SRRM3: variants seen among roughly 807,000 people sequenced by gnomAD.
SRRM3 encodes serine/arginine repetitive matrix protein 3.
A neutral mutation model predicts 66.2 loss-of-function variants in SRRM3; 27 were observed. The ratio of observed to expected loss-of-function variants is 0.41; its 90% confidence interval spans 0.30 to 0.56. The LOEUF is 0.56. SRRM3 is among the 20% of genes least tolerant of loss of function. The probability of loss-of-function intolerance (pLI) is 0.32; values close to 1 mark genes in which losing one functional copy is unlikely to be tolerated. For missense variants in SRRM3, 918 were observed against 991.9 expected, an observed-to-expected ratio of 0.93 and a Z score of 1.00; for synonymous variants, 391 against 414.9, an observed-to-expected ratio of 0.94 and a Z score of 0.70.
rs1195904787 is a variant in SRRM3 at position 76,282,698 on chromosome 7, C to T, written c.1421C>T (p.Pro474Leu). 1.4e-6 allele frequency: 2 copies of T among 1,421,166 alleles called. No individual in the cohort carries two copies. Among genetic ancestry groups the T allele is most frequent in the African/African-American group, 1.5e-5 (1 of 66,566 alleles). 88.0% of individuals were successfully genotyped at this position (1,421,166 alleles called of 1,614,324 possible). ...CGGCCCGCCAGCACCTCTCCGTCCC[C>T]GGGCGCGCACGGCCGGCGCGGCGGC... Reference protein sequence around the residue: ...RARPASTSPSPGAHGRRGGPE... With the variant: ...RARPASTSPSLGAHGRRGGPE... The change falls in exon 13 of 15, where the codon CCG (proline) becomes CTG (leucine). Residue 474 changes from proline to leucine, a missense_variant. Pro to Leu is a moderately conservative substitution (Grantham distance 98). Coordinates refer to ENST00000611745, the MANE Select transcript of SRRM3 (RefSeq NM_001110199.3).
intron 10 of SRRM3, 58 bp from the exon 11 acceptor site, chr7:76,267,200 G>C: frequency 1.4e-6 from 2 of 1,419,338 alleles, no homozygotes; most frequent in Non-Finnish European, 1.8e-6. Context: ...AGGCGCAACT[G>C]CTTGCAAAGC....
intron 2 of SRRM3, among the ~76,000 whole-genome samples, chr7:76,244,020 G>A (rs1047910740): frequency 6.6e-6 from 1 of 152,220 alleles, no homozygotes; most frequent in Non-Finnish European, 1.5e-5. Flanking sequence ...GGACTGAGGT[G>A]GACACTGAGG....
At chr7:76,209,531 G>T (rs1800378968) in intron 1 of SRRM3, among the ~76,000 whole-genome samples, 2 of 152,122 alleles carry the variant, frequency 1.3e-5, no homozygotes, top group Non-Finnish European at 2.9e-5. Context: ...ACCTAATGTG[G>T]TCATAGGACA....
intron 1 of SRRM3, among the ~76,000 whole-genome samples, chr7:76,219,245 G>A (rs372620923): frequency 6.6e-5 from 10 of 152,304 alleles, no homozygotes; most frequent in African/African-American, 1.4e-4. Flanking sequence ...TTGATCAGTC[G>A]GTCTGAGCTC....
chr7:76,275,810 C>CAT (rs1199856125), intron 11 of SRRM3, among the ~76,000 whole-genome samples: 1 of 152,148 alleles, frequency 6.6e-6, no homozygotes, highest in Non-Finnish European at 1.5e-5. Context: ...CCCAGTGGCT[C>CAT]ATGCCTGTAA....
chr7:76,245,812 C>T lies in SRRM3; in HGVS notation c.234-2376C>T, dbSNP rs554127510. On this transcript the variant is annotated intron_variant, in intron 2 of 14. Coordinates refer to ENST00000611745, the MANE Select transcript of SRRM3 (RefSeq NM_001110199.3). ...CCGGGTTCAAGCGATTCTCCTGCCTCGGCCTCGTGGGTAGCTGGGATTACA... is the reference window on the plus strand; with the variant it reads ...CCGGGTTCAAGCGATTCTCCTGCCTTGGCCTCGTGGGTAGCTGGGATTACA... Among the ~76,000 whole-genome samples the T allele has an allele frequency of 5.3e-5, 8 of 152,298 alleles. No individual in the cohort carries two copies. In the South Asian group the frequency reaches 1.7e-3, roughly 32 times the overall value.
intron 1 of SRRM3, among the ~76,000 whole-genome samples, chr7:76,214,270 C>A (rs1800504467): frequency 6.6e-6 from 1 of 151,764 alleles, no homozygotes; most frequent in African/African-American, 2.4e-5. Flanking sequence ...GCACCAGGAG[C>A]TCCCACTCCC....
intron 11 of SRRM3, among the ~76,000 whole-genome samples, chr7:76,273,856 T>C (rs1554610786): frequency 6.6e-6 from 1 of 152,182 alleles, no homozygotes. Context: ...CCATCTCCCC[T>C]CCTTCTTCAC....
At chr7:76,222,267 A>G (rs1297561989) in intron 1 of SRRM3, among the ~76,000 whole-genome samples, 1 of 152,130 alleles carries the variant, frequency 6.6e-6, no homozygotes, top group Non-Finnish European at 1.5e-5. Flanking sequence ...CTAGCTGGAC[A>G]TGGTTGTATG....
intron 3 of SRRM3, among the ~76,000 whole-genome samples, chr7:76,249,446 G>A (rs1265074568): frequency 6.6e-6 from 1 of 152,192 alleles, no homozygotes; most frequent in Non-Finnish European, 1.5e-5. Flanking sequence ...CAGGATAGGA[G>A]GCACACCGGT....
At chr7:76,205,794 C>T (rs1041337447) in intron 1 of SRRM3, among the ~76,000 whole-genome samples, 1 of 152,198 alleles carries the variant, frequency 6.6e-6, no homozygotes, top group African/African-American at 2.4e-5. Flanking sequence ...CCCTATTTTC[C>T]CCCTTTAATT....
intron 8 of SRRM3, among the ~76,000 whole-genome samples, 192 bp downstream of exon 8, chr7:76,261,773 G>T (rs557316782): frequency 2.0e-5 from 3 of 152,152 alleles, no homozygotes; most frequent in Non-Finnish European, 4.4e-5. Context: ...TGCAACCCTT[G>T]CCTGCCCCAT....
intron 8 of SRRM3, among the ~76,000 whole-genome samples, chr7:76,262,588 G>A (rs910565441): frequency 6.6e-6 from 1 of 151,438 alleles, no homozygotes; most frequent in East Asian, 1.9e-4. Context: ...TTGGGAGGCC[G>A]AGGTGGCTGG....
chr7:76,202,033 C>T lies in SRRM3; in HGVS notation c.-74C>T, dbSNP rs909289250. ...ACCGGCGGGACCCGAGGGCCTGGCC[C>T]CAGCGCCCGGTAGATCGCGGCGGTC... is the stretch of plus-strand genomic sequence containing the variant. On this transcript the variant is annotated 5_prime_UTR_variant, in exon 1 of 15. Coordinates refer to ENST00000611745, the MANE Select transcript of SRRM3 (RefSeq NM_001110199.3). 17 of 152,734 alleles carry T rather than the reference C, an allele frequency of 1.1e-4. No homozygotes were observed. Among genetic ancestry groups the T allele is most frequent in the African/African-American group, 3.9e-4 (16 of 41,466 alleles). 9.5% of individuals were successfully genotyped at this position (152,734 alleles called of 1,614,324 possible). A position where few individuals can be genotyped will look rare whatever the true frequency, so the allele number is the denominator to read the frequency against.
At chr7:76,212,946 C>T (rs1372398289) in intron 1 of SRRM3, among the ~76,000 whole-genome samples, 1 of 151,394 alleles carries the variant, frequency 6.6e-6, no homozygotes, top group Non-Finnish European at 1.5e-5. Flanking sequence ...CTGTTCCAAT[C>T]TGGGTGCCCT....
At chr7:76,234,471 G>A (rs1801091548) in intron 1 of SRRM3, among the ~76,000 whole-genome samples, 2 of 152,250 alleles carry the variant, frequency 1.3e-5, no homozygotes, top group Admixed American at 1.3e-4. Flanking sequence ...AGATCAAACA[G>A]AGAGCTAAAA....
At chr7:76,223,111 C>A (rs1313189563) in intron 1 of SRRM3, among the ~76,000 whole-genome samples, 1 of 152,200 alleles carries the variant, frequency 6.6e-6, no homozygotes, top group African/African-American at 2.4e-5. Flanking sequence ...TGCCATGCAT[C>A]CATCATCCCC....
intron 1 of SRRM3, among the ~76,000 whole-genome samples, chr7:76,215,394 GTTTTTTTTTTTTT>G (rs1170079332): frequency 3.2e-5 from 3 of 95,112 alleles, no homozygotes; most frequent in African/African-American, 1.4e-4. Flanking sequence ...GGAGCCCGCA[GTTTTTTTTTTTTT>G]TTTTTTTTTT....
intron 14 of SRRM3, among the ~76,000 whole-genome samples, chr7:76,283,986 C>T (rs1341961493): frequency 4.6e-5 from 7 of 152,152 alleles, no homozygotes; most frequent in Non-Finnish European, 8.8e-5. Flanking sequence ...CTCTGGGCCT[C>T]GGTTGCCACA....
Sources: gnomAD v4.1 joint callset for allele counts (sites outside exome capture counted in the v4.1 genomes callset) on GRCh38, gnomAD v4.1.1 for gene constraint, MANE v1.5 for transcripts, NCBI Gene and HGNC (gene_info 2026-07-23, HGNC 2026-07-21) for gene names.